Variants in CGNL1 observed in about 807,000 individuals in gnomAD.
CGNL1 encodes cingulin like 1.
Under a neutral mutation model 141.2 loss-of-function variants are expected in CGNL1, and 132 were observed. The observed-to-expected ratio is 0.93, with a 90% CI of 0.81 to 1.08. The LOEUF (loss-of-function observed/expected upper bound fraction) is 1.08, where lower values mean the gene tolerates loss of function less well. Ranked by LOEUF, CGNL1 falls within the 50% of genes least tolerant of loss-of-function variation. CGNL1 has a pLI of 0.00. For synonymous variants in CGNL1, 690 were observed against 622.1 expected, an observed-to-expected ratio of 1.11 and a Z score of -1.63; for missense variants, 1,870 against 1,588.6, an observed-to-expected ratio of 1.18 and a Z score of -3.01.
At chr15:57,416,323 A>T (rs1485645867) in intron 1 of CGNL1, among the ~76,000 whole-genome samples, 1 of 151,914 alleles carries the variant, frequency 6.6e-6, no homozygotes, top group South Asian at 2.1e-4. Context: ...ACTTGCCCAA[A>T]GTCTCACTGC....
At chr15:57,458,224 C>T (rs2063403114) in intron 7 of CGNL1, among the ~76,000 whole-genome samples, 1 of 152,120 alleles carries the variant, frequency 6.6e-6, no homozygotes, top group South Asian at 2.1e-4. Context: ...TAACTGGATT[C>T]CATAGAGAGG....
At chr15:57,385,914 A>C (rs1567086530) in intron 1 of CGNL1, among the ~76,000 whole-genome samples, 2 of 152,270 alleles carry the variant, frequency 1.3e-5, no homozygotes, top group Non-Finnish European at 2.9e-5. Context: ...AGTAGAGCCA[A>C]GGCTAAGAAA....
intron 4 of CGNL1, among the ~76,000 whole-genome samples, chr15:57,445,650 C>A (rs527859169): frequency 6.6e-6 from 1 of 152,268 alleles, no homozygotes; most frequent in Non-Finnish European, 1.5e-5. Flanking sequence ...TGTTTCTAAT[C>A]ATCTTCACAG....
chr15:57,500,141 G>C (rs908145931), intron 8 of CGNL1, among the ~76,000 whole-genome samples: 2 of 152,184 alleles, frequency 1.3e-5, no homozygotes, highest in African/African-American at 4.8e-5. Flanking sequence ...GGGTTGAGAA[G>C]GAAGTGTGAG....
At chr15:57,412,345 C>G (rs2062798845) in intron 1 of CGNL1, among the ~76,000 whole-genome samples, 2 of 152,176 alleles carry the variant, frequency 1.3e-5, no homozygotes, top group Admixed American at 6.5e-5. Flanking sequence ...GGAGAAAACC[C>G]TTTGTTCTTT....
chr15:57,511,802 C>T (rs1210843459), intron 8 of CGNL1, among the ~76,000 whole-genome samples: 1 of 152,168 alleles, frequency 6.6e-6, no homozygotes, highest in Non-Finnish European at 1.5e-5. Context: ...GAATCGACTA[C>T]CTGTACAAGT....
chr15:57,378,186 T>G (rs1350339013), intron 1 of CGNL1, among the ~76,000 whole-genome samples: 1 of 152,098 alleles, frequency 6.6e-6, no homozygotes, highest in Non-Finnish European at 1.5e-5. Context: ...GTCATATATT[T>G]TATCAAGAAA....
chr15:57,518,367 C>A, intron 9 of CGNL1, 26 bp from the exon 10 acceptor site: 1 of 1,518,168 alleles, frequency 6.6e-7, no homozygotes, highest in Non-Finnish European at 9.1e-7. Flanking sequence ...CATCTAAGTG[C>A]ACACTGACCC....
At chr15:57,391,979 C>CG (rs1367578748) in intron 1 of CGNL1, among the ~76,000 whole-genome samples, 6 of 151,424 alleles carry the variant, frequency 4.0e-5, no homozygotes, top group Non-Finnish European at 8.8e-5. Flanking sequence ...TCTTTCCCCC[C>CG]CCTCACCTGA....
intron 8 of CGNL1, among the ~76,000 whole-genome samples, chr15:57,469,383 C>T (rs534576274): frequency 3.3e-5 from 5 of 149,430 alleles, no homozygotes; most frequent in Non-Finnish European, 7.4e-5. Flanking sequence ...AGTCGTTGGA[C>T]GGAGTGTGAG....
intron 14 of CGNL1, among the ~76,000 whole-genome samples, chr15:57,537,037 T>G (rs2032298325): frequency 6.6e-6 from 1 of 152,208 alleles, no homozygotes; most frequent in Non-Finnish European, 1.5e-5. Context: ...GAGGTCCGGC[T>G]TCATATGCTT....
intron 14 of CGNL1, among the ~76,000 whole-genome samples, chr15:57,537,702 T>C (rs1433441878): frequency 1.3e-5 from 2 of 152,204 alleles, no homozygotes; most frequent in Admixed American, 6.5e-5. Flanking sequence ...CTTACAATTC[T>C]GAGAGCTGGC....
intron 8 of CGNL1, among the ~76,000 whole-genome samples, chr15:57,491,327 C>G (rs1447977463): frequency 6.6e-6 from 1 of 152,156 alleles, no homozygotes; most frequent in Non-Finnish European, 1.5e-5. Flanking sequence ...TTCTAACACC[C>G]AGTTTGGTGC....
chr15:57,450,888 T>G (rs1295033054), intron 4 of CGNL1, among the ~76,000 whole-genome samples: 25 of 152,332 alleles, frequency 1.6e-4, no homozygotes, highest in African/African-American at 5.1e-4. Context: ...TGAGATACAT[T>G]GGGTTCTGTA....
At chr15:57,433,755 G>A (rs1207498987) in intron 1 of CGNL1, among the ~76,000 whole-genome samples, 1 of 152,212 alleles carries the variant, frequency 6.6e-6, no homozygotes, top group African/African-American at 2.4e-5. Context: ...TGACTAAAAA[G>A]AGAGACTGAT....
At chr15:57,510,108 G>T (rs1370910149) in intron 8 of CGNL1, among the ~76,000 whole-genome samples, 1 of 147,104 alleles carries the variant, frequency 6.8e-6, no homozygotes, top group South Asian at 2.1e-4. Context: ...AAAATGTGCA[G>T]GTAGTGGCCT....
At chr15:57,408,282 G>A (rs1462432170) in intron 1 of CGNL1, among the ~76,000 whole-genome samples, 1 of 151,884 alleles carries the variant, frequency 6.6e-6, no homozygotes, top group African/African-American at 2.4e-5. Context: ...AGTTTCTCAG[G>A]GGCCCCAAAC....
At chr15:57,488,328 T>G (rs561915348) in intron 8 of CGNL1, among the ~76,000 whole-genome samples, 5 of 152,308 alleles carry the variant, frequency 3.3e-5, no homozygotes, top group African/African-American at 9.6e-5. Context: ...TTTGCAAAAT[T>G]TTCTCCCCTT....
At chr15:57,464,390 A>G (rs1280864837) in intron 8 of CGNL1, among the ~76,000 whole-genome samples, 2 of 152,218 alleles carry the variant, frequency 1.3e-5, no homozygotes, top group African/African-American at 4.8e-5. Context: ...AAATAAAGAA[A>G]TAAATAAAAT....
Sources: gnomAD v4.1 joint callset for allele counts (sites outside exome capture counted in the v4.1 genomes callset) on GRCh38, gnomAD v4.1.1 for gene constraint, MANE v1.5 for transcripts, NCBI Gene and HGNC (gene_info 2026-07-23, HGNC 2026-07-21) for gene names.